The following PCNX2 variants were observed in gnomAD, a reference collection of about 807,000 sequenced individuals.
PCNX2 encodes the protein pecanex-like protein 2.
A neutral mutation model predicts 223.8 loss-of-function variants in PCNX2; 168 were observed. That is an observed-to-expected ratio of 0.75 (90% CI 0.66 to 0.85). The LOEUF (loss-of-function observed/expected upper bound fraction) is 0.85. PCNX2 is among the 40% of genes least tolerant of loss of function. The pLI, the probability that PCNX2 is intolerant of heterozygous loss-of-function variation, is 0.00. For missense variants in PCNX2, 2,507 were observed against 2,675.5 expected, an observed-to-expected ratio of 0.94 and a Z score of 1.39; for synonymous variants, 1,006 against 1,052.6, an observed-to-expected ratio of 0.96 and a Z score of 0.86.
chr1:233,099,982 C>T (rs1674389968), intron 21 of PCNX2, among the ~76,000 whole-genome samples: 1 of 152,162 alleles, frequency 6.6e-6, no homozygotes, highest in African/African-American at 2.4e-5. Context: ...TATCTCACTC[C>T]TAACATTCTA....
In PCNX2 at chr1:233,274,818, C is replaced by A. The variant is rs142493472; in HGVS notation, c.154-11655G>T. 3.3e-5 allele frequency among the ~76,000 whole-genome samples: 5 copies of A among 152,302 alleles called. No individual in the cohort carries two copies. The East Asian group carries it at 9.7e-4, about 29-fold the overall frequency. On this transcript the variant is annotated intron_variant, in intron 1 of 33. Coordinates refer to ENST00000258229, the MANE Select transcript of PCNX2 (RefSeq NM_014801.4). ...AAGCAAGTGGTAAGAAATGAAAAAT[C>A]TTGACATTAGGCTTAGGACTTTGAT...
At position 233,177,788 on chromosome 1, in the gene PCNX2, C is replaced by T. The variant is rs369143387; in HGVS notation, c.3273+14G>A. 88 of 1,602,078 alleles carry T rather than the reference C, an allele frequency of 5.5e-5. No homozygotes were observed. The highest frequency in any genetic ancestry group is 1.7e-4 in the Middle Eastern group (1 of 6,034). On this transcript the variant is annotated intron_variant, in intron 17 of 33. Transcript: ENST00000258229. The stretch of plus-strand genomic sequence containing the variant: ...GGCCCTCCTATGCTACATTACACAA[C>T]GCAAATGTCTCACCACTGAATCTTT...
chr1:233,238,693 C>CAG (rs1658566595), intron 8 of PCNX2, among the ~76,000 whole-genome samples: 1 of 130,660 alleles, frequency 7.7e-6, no homozygotes, highest in Non-Finnish European at 1.6e-5. Context: ...GATCCTGTCT[C>CAG]AAAAAAAAAA....
At chr1:233,282,223 C>G (rs1661230073) in intron 1 of PCNX2, among the ~76,000 whole-genome samples, 1 of 152,112 alleles carries the variant, frequency 6.6e-6, no homozygotes. Context: ...CTCCTCTTTG[C>G]CCTGCCTCTG....
intron 15 of PCNX2, among the ~76,000 whole-genome samples, chr1:233,190,503 A>C (rs374257456): frequency 2.6e-5 from 4 of 152,344 alleles, no homozygotes; most frequent in South Asian, 4.1e-4. Context: ...TTTTTAACAA[A>C]AGGTGCTTCA....
intron 20 of PCNX2, among the ~76,000 whole-genome samples, chr1:233,135,689 CAGGT>C (rs1471679435): frequency 6.6e-6 from 1 of 152,180 alleles, no homozygotes; most frequent in Non-Finnish European, 1.5e-5. Context: ...AGTGACATAA[CAGGT>C]AGGAAATTCT....
intron 23 of PCNX2, among the ~76,000 whole-genome samples, chr1:233,079,461 G>A (rs1673254554): frequency 6.7e-6 from 1 of 150,072 alleles, no homozygotes; most frequent in Non-Finnish European, 1.5e-5. Context: ...GGAGGAGGAG[G>A]AGGTTGCAAT....
chr1:233,279,563 G>A (rs921084989), intron 1 of PCNX2, among the ~76,000 whole-genome samples: 9 of 152,052 alleles, frequency 5.9e-5, no homozygotes, highest in African/African-American at 2.2e-4. Flanking sequence ...GGGATTACAG[G>A]TGTGAGCCAC....
chr1:233,016,053 T>C (rs1418957086), intron 27 of PCNX2, among the ~76,000 whole-genome samples: 1 of 152,224 alleles, frequency 6.6e-6, no homozygotes, highest in African/African-American at 2.4e-5. Context: ...ATTCTTTGAA[T>C]ATCTCAACTG....
rs5781726 is a variant in PCNX2 at position 233,100,417 on chromosome 1, C to CAA, written c.3838-4556_3838-4555dup. 4.4e-3 allele frequency among the ~76,000 whole-genome samples: 354 copies of CAA among 80,554 alleles called. 3 individuals carry two copies. Among genetic ancestry groups the CAA allele is most frequent in the Middle Eastern group, 8.9e-3 (1 of 112 alleles). The allele number at this position is 80,554 out of a possible 152,430, so 52.8% of individuals were successfully genotyped here. On this transcript the variant is annotated intron_variant, in intron 21 of 33. Transcript: ENST00000258229. ...TGGGTGACAGAGAGAGATTCTGTCT[C>CAA]AAAAAAAAAAAAAAAAAAAAAAGAA... is the stretch of plus-strand genomic sequence containing the variant.
chr1:233,074,345 A>G (rs1269834667), intron 23 of PCNX2, among the ~76,000 whole-genome samples: 2 of 152,166 alleles, frequency 1.3e-5, no homozygotes, highest in East Asian at 3.9e-4. Flanking sequence ...CTGTAATCCC[A>G]GCACTTTGGG....
At chr1:233,136,200 T>C (rs1676792017) in intron 20 of PCNX2, among the ~76,000 whole-genome samples, 2 of 152,176 alleles carry the variant, frequency 1.3e-5, no homozygotes, top group Admixed American at 1.3e-4. Flanking sequence ...ATTTGGCAAC[T>C]GCAAGACAGA....
intron 8 of PCNX2, among the ~76,000 whole-genome samples, chr1:233,237,202 G>A (rs1431827479): frequency 6.6e-6 from 1 of 152,136 alleles, no homozygotes; most frequent in Admixed American, 6.5e-5. Flanking sequence ...GGCTACCCAG[G>A]GTTGCAGTGT....
Position 233,014,648 on chromosome 1 carries a change from C to T in PCNX2, c.4952+17G>A, listed in dbSNP as rs371729919. 8.9e-5 allele frequency: 143 copies of T among 1,605,282 alleles called. 1 individual carries two copies. Among genetic ancestry groups the T allele is most frequent in the Middle Eastern group, 1.6e-4 (1 of 6,068 alleles). On this transcript the variant is annotated intron_variant, in intron 28 of 33. Transcript: ENST00000258229. ...GGTGCCTGTACCTAAGAGATTCTAA[C>T]TTCTCCCCCCAGGTACCTGATGGCC... is the stretch of plus-strand genomic sequence containing the variant.
intron 8 of PCNX2, among the ~76,000 whole-genome samples, chr1:233,243,269 C>T (rs1272401744): frequency 1.3e-5 from 2 of 152,148 alleles, no homozygotes; most frequent in African/African-American, 4.8e-5. Context: ...AGAGGAATGG[C>T]TTTTTTGCCA....
At chr1:233,243,406 C>T (rs1434515175) in intron 8 of PCNX2, among the ~76,000 whole-genome samples, 2 of 152,180 alleles carry the variant, frequency 1.3e-5, no homozygotes, top group Admixed American at 1.3e-4. Flanking sequence ...CCCAAGTAGG[C>T]ATCCTTCCAA....
intron 19 of PCNX2, among the ~76,000 whole-genome samples, chr1:233,141,679 A>C (rs958495231): frequency 2.0e-5 from 3 of 150,296 alleles, no homozygotes; most frequent in African/African-American, 7.4e-5. Flanking sequence ...TCTCAGAAAA[A>C]AGAAAAAATA....
intron 23 of PCNX2, among the ~76,000 whole-genome samples, chr1:233,082,425 T>A (rs1452542735): frequency 6.6e-6 from 1 of 152,166 alleles, no homozygotes; most frequent in Non-Finnish European, 1.5e-5. Context: ...ATTCATGACA[T>A]TTATCTCAGC....
intron 32 of PCNX2, among the ~76,000 whole-genome samples, chr1:232,994,470 G>T (rs571318494): frequency 6.2e-4 from 94 of 152,302 alleles, no homozygotes; most frequent in South Asian, 1.7e-3. Flanking sequence ...ACTTGTTTTT[G>T]ATTTTACAGG....
Sources: allele counts gnomAD v4.1 joint callset (sites outside exome capture counted in the v4.1 genomes callset), GRCh38; gene constraint gnomAD v4.1.1; transcripts MANE v1.5; gene names NCBI Gene and HGNC (gene_info 2026-07-23, HGNC 2026-07-21).